PCDHGA5: variants seen among roughly 807,000 people sequenced by gnomAD.
The protein encoded by PCDHGA5 is protocadherin gamma subfamily A, 5.
Under a neutral mutation model 56.7 loss-of-function variants are expected in PCDHGA5, and 36 were observed. That is an observed-to-expected ratio of 0.64 (90% CI 0.49 to 0.84). The LOEUF is 0.84. Ranked by LOEUF, PCDHGA5 falls within the 40% of genes least tolerant of loss-of-function variation. PCDHGA5 has a pLI of 0.00. For synonymous variants in PCDHGA5, 563 were observed against 520.2 expected, an observed-to-expected ratio of 1.08 and a Z score of -1.12; for missense variants, 1,305 against 1,201.5, an observed-to-expected ratio of 1.09 and a Z score of -1.27.
chr5:141,426,848 C>A (rs1379697529), intron 1 of PCDHGA5: 1 of 456,670 alleles, frequency 2.2e-6, no homozygotes, highest in Non-Finnish European at 4.4e-6. Context: ...AAGGCAAGAA[C>A]GCTCCAGAAT....
rs2099883748 is a variant in PCDHGA5 at position 141,511,359 on chromosome 5, T to A, written c.*186T>A. On this transcript the variant is annotated 3_prime_UTR_variant, in exon 4 of 4. Transcript: ENST00000518069. ...CACCTACCCCTTCCCCCCCAGGGGGTTGAATATGCAAAAGCAGTTCCGCTG... is the reference window on the plus strand; with the variant it reads ...CACCTACCCCTTCCCCCCCAGGGGGATGAATATGCAAAAGCAGTTCCGCTG... 2 of 1,339,338 alleles carry A rather than the reference T, an allele frequency of 1.5e-6. No individual in the cohort carries two copies. Among genetic ancestry groups the A allele is most frequent in the Non-Finnish European group, 2.0e-6 (2 of 1,000,492 alleles). The allele number at this position is 1,339,338 out of a possible 1,614,324, so 83.0% of individuals were successfully genotyped here. A position where few individuals can be genotyped will look rare whatever the true frequency, so the allele number is the denominator to read the frequency against.
rs1248410660 is a variant in PCDHGA5, at chr5:141,394,098, A to G, written c.2421+27347A>G. On this transcript the variant is annotated intron_variant, in intron 1 of 3. Transcript: ENST00000518069. The stretch of plus-strand genomic sequence containing the variant: ...CACAGTGATGGCCTCAGATCTAGGA[A>G]CACCACCTCTGTCCACTGAAACTCA... 2.5e-6 allele frequency: 4 copies of G among 1,613,854 alleles called. No individual in the cohort carries two copies. In the East Asian group the frequency reaches 8.9e-5, roughly 36 times the overall value.
chr5:141,399,902 C>T, intron 1 of PCDHGA5: 3 of 1,612,490 alleles, frequency 1.9e-6, no homozygotes, highest in Non-Finnish European at 8.5e-7. Context: ...GCCGTGGACG[C>T]AGACTCAGGA....
chr5:141,409,759 C>A, intron 1 of PCDHGA5: 1 of 1,612,958 alleles, frequency 6.2e-7, no homozygotes, highest in Non-Finnish European at 8.5e-7. Flanking sequence ...CGCAGCGCGC[C>A]TTTGATCACG....
intron 3 of PCDHGA5, chr5:141,508,363 A>G (rs996562348): frequency 1.3e-5 from 2 of 152,230 alleles, no homozygotes; most frequent in Non-Finnish European, 2.9e-5. Flanking sequence ...TGGCAATCCA[A>G]CTTCTTCCCC....
chr5:141,444,588 A>G (rs1486905298), intron 1 of PCDHGA5, among the ~76,000 whole-genome samples: 1 of 152,138 alleles, frequency 6.6e-6, no homozygotes, highest in Non-Finnish European at 1.5e-5. Flanking sequence ...CTTTCTACTT[A>G]CCTTATTTAA....
intron 1 of PCDHGA5, chr5:141,374,743 T>A: frequency 6.2e-7 from 1 of 1,611,970 alleles, no homozygotes; most frequent in Non-Finnish European, 8.5e-7. Context: ...GCGGCGACCC[T>A]GTCCGCTCAA....
At chr5:141,382,161 G>A (rs539029748) in intron 1 of PCDHGA5, among the ~76,000 whole-genome samples, 2 of 151,904 alleles carry the variant, frequency 1.3e-5, no homozygotes, top group Admixed American at 6.6e-5. Flanking sequence ...TAAAATGAAG[G>A]TGTTAGACCG....
intron 1 of PCDHGA5, chr5:141,421,470 A>T: frequency 2.5e-6 from 4 of 1,614,130 alleles, no homozygotes; most frequent in Non-Finnish European, 3.4e-6. Context: ...TGAATCCGCG[A>T]AGCGGCAGCT....
At chr5:141,405,353 AT>A in intron 1 of PCDHGA5, 3 of 1,614,026 alleles carry the variant, frequency 1.9e-6, no homozygotes, top group Non-Finnish European at 2.5e-6. Context: ...CAAGTTTCCT[AT>A]AGAAGACACC....
At position 141,407,135 on chromosome 5, in the gene PCDHGA5, G is replaced by GA. The variant is rs796659459; in HGVS notation, c.2421+40392dup. The stretch of plus-strand genomic sequence containing the variant: ...TGGGTTTCAGTTGCTTTATTTTTAA[G>GA]AAAAAAAAGCTGAAGTGTCTGGGAA... On this transcript the variant is annotated intron_variant, in intron 1 of 3. Coordinates refer to ENST00000518069, the MANE Select transcript of PCDHGA5 (RefSeq NM_018918.3). 3.3e-5 allele frequency among the ~76,000 whole-genome samples: 5 copies of GA among 151,810 alleles called. No homozygotes were observed. In the South Asian group the frequency reaches 6.2e-4, roughly 19 times the overall value.
chr5:141,389,152 C>T (rs1176301501), intron 1 of PCDHGA5: 2 of 1,614,022 alleles, frequency 1.2e-6, no homozygotes, highest in South Asian at 2.2e-5. Flanking sequence ...GTTACGGCAA[C>T]AGATCGGGGC....
At chr5:141,416,132 A>C in intron 1 of PCDHGA5, 1 of 154,082 alleles carries the variant, frequency 6.5e-6, no homozygotes, top group Non-Finnish European at 1.4e-5. Context: ...ATATTTTTCA[A>C]TCTATACTTT....
chr5:141,510,813 C>T, intron 3 of PCDHGA5, 134 bp from the exon 4 acceptor site: 1 of 1,537,024 alleles, frequency 6.5e-7, no homozygotes, highest in South Asian at 1.2e-5. Flanking sequence ...CTTGGTGACC[C>T]CTATATTCCC....
intron 1 of PCDHGA5, chr5:141,414,822 C>A: frequency 6.2e-7 from 1 of 1,614,240 alleles, no homozygotes; most frequent in Non-Finnish European, 8.5e-7. Context: ...TCAGCAGCAA[C>A]GTGTCGTTGA....
chr5:141,400,267 T>C (rs749494967), intron 1 of PCDHGA5: 4 of 1,614,030 alleles, frequency 2.5e-6, no homozygotes, highest in Middle Eastern at 1.6e-4. Context: ...CCTGCGACGC[T>C]CCTCCAGCCC....
intron 1 of PCDHGA5, among the ~76,000 whole-genome samples, chr5:141,447,752 G>T (rs2154561873): frequency 6.6e-6 from 1 of 152,280 alleles, no homozygotes; most frequent in Admixed American, 6.5e-5. Context: ...TCTTGCATGT[G>T]ACTGTATATA....
intron 1 of PCDHGA5, chr5:141,377,877 A>T (rs2150119118): frequency 6.6e-6 from 1 of 152,320 alleles, no homozygotes; most frequent in South Asian, 2.1e-4. Flanking sequence ...TTCTCTTATC[A>T]GAGATAGGAT....
rs934366037 is a variant in PCDHGA5, at chr5:141,408,906, C to T, written c.2421+42155C>T. On this transcript the variant is annotated intron_variant, in intron 1 of 3. Transcript: ENST00000518069. Reference sequence around the variant, plus strand: ...CACATAGAAATTTCTGTCAAGGATACCAATGATAACCCCCCGGTTTTCAGC... The same window carrying T: ...CACATAGAAATTTCTGTCAAGGATATCAATGATAACCCCCCGGTTTTCAGC... 2.5e-6 allele frequency: 4 copies of T among 1,613,136 alleles called. No homozygotes were observed. The African/African-American group carries it at 4.0e-5, about 16-fold the overall frequency.
Sources: gnomAD v4.1 joint callset for allele counts (sites outside exome capture counted in the v4.1 genomes callset) on GRCh38, gnomAD v4.1.1 for gene constraint, MANE v1.5 for transcripts, NCBI Gene and HGNC (gene_info 2026-07-23, HGNC 2026-07-21) for gene names.